MED12L: variants seen among roughly 807,000 people sequenced by gnomAD.
MED12L encodes the protein mediator of RNA polymerase II transcription subunit 12-like protein.
MED12L carries 60 observed loss-of-function variants against 281.3 expected under a neutral mutation model. That is an observed-to-expected ratio of 0.21 (90% CI 0.17 to 0.26). MED12L has a LOEUF of 0.26. MED12L is among the 10% of genes least tolerant of loss of function. The probability of loss-of-function intolerance (pLI) is 1.00; values close to 1 mark genes in which losing one functional copy is unlikely to be tolerated. For synonymous variants in MED12L, 974 were observed against 987.2 expected (o/e 0.99, Z 0.25); for missense variants, 2,146 against 2,680.9 (o/e 0.80, Z 4.41).
At chr3:151,416,987 A>G (rs1465393543) in intron 43 of MED12L, among the ~76,000 whole-genome samples, 1 of 152,216 alleles carries the variant, frequency 6.6e-6, no homozygotes, top group Non-Finnish European at 1.5e-5. Context: ...TACAACAGCC[A>G]TATTCCTGTT....
chr3:151,425,580 G>GTC, intron 43 of MED12L: 1 of 452,206 alleles, frequency 2.2e-6, no homozygotes, highest in Non-Finnish European at 4.5e-6. Flanking sequence ...GTGTGTGTGT[G>GTC]TGTGTCTGTG....
rs1221991240 is a variant in MED12L at position 151,409,255 on chromosome 3, G to A, written c.5833G>A (p.Asp1945Asn). 1 of 1,600,644 alleles carries A rather than the reference G, an allele frequency of 6.2e-7. No individual in the cohort carries two copies. Among genetic ancestry groups the A allele is most frequent in the East Asian group, 2.3e-5 (1 of 44,444 alleles). ...CTTTGTTTTCCAGGGCCAGCCGGGG[G>A]ACCAGGCTGCTCTCTTTGCTGCGCA... ...TRPFQQGQPG[D>N]QAALFAAQAR... Residue 1945 changes from aspartate (D) to asparagine (N), a missense_variant, in exon 40 of 45, where the codon GAC becomes AAC. Around this residue, in one of 9 missense-constraint regions of MED12L, gnomAD observed 496 missense variants for 512.0 expected, o/e 0.97. Transcript: ENST00000687756.
Position 151,275,480 on chromosome 3 carries a change from C to T in MED12L, c.2251-74579C>T, listed in dbSNP as rs562846388. Among the ~76,000 whole-genome samples, 89 of 151,962 alleles carry T rather than the reference C, an allele frequency of 5.9e-4. 1 individual carries two copies. The South Asian group carries it at 0.016, about 27-fold the overall frequency. The stretch of plus-strand genomic sequence containing the variant: ...AAAAAGCTAGCAATTTAATTTATAC[C>T]GAGTAAAGACAAAAATTTCAAAGGA... On this transcript the variant is annotated intron_variant, in intron 16 of 44. Coordinates refer to ENST00000687756, the MANE Select transcript of MED12L (RefSeq NM_001393769.1).
intron 9 of MED12L, 39 bp from the exon 10 acceptor site, chr3:151,165,381 A>G: frequency 6.5e-7 from 1 of 1,542,464 alleles, no homozygotes; most frequent in Non-Finnish European, 9.0e-7. Context: ...GCGCTGTGGC[A>G]TTCCAAGCAC....
chr3:151,120,723 A>T (rs959937979), intron 3 of MED12L, among the ~76,000 whole-genome samples: 2 of 152,254 alleles, frequency 1.3e-5, no homozygotes, highest in Non-Finnish European at 2.9e-5. Flanking sequence ...GGAGGTAGAC[A>T]TTGGGACTTG....
intron 27 of MED12L, among the ~76,000 whole-genome samples, chr3:151,375,472 C>A (rs1331568790): frequency 6.6e-6 from 1 of 152,172 alleles, no homozygotes; most frequent in African/African-American, 2.4e-5. Context: ...CCCCCACTCA[C>A]ACTGGACCCA....
chr3:151,341,357 A>T (rs1429768677), intron 16 of MED12L, among the ~76,000 whole-genome samples: 1 of 152,094 alleles, frequency 6.6e-6, no homozygotes, highest in African/African-American at 2.4e-5. Context: ...CTTATTATAT[A>T]CTGTGTCGTT....
intron 16 of MED12L, chr3:151,295,394 C>G (rs1276338798): frequency 8.6e-6 from 5 of 579,146 alleles, no homozygotes; most frequent in African/African-American, 1.9e-5. Context: ...GTGACCTTCT[C>G]TCACTACCCT....
intron 5 of MED12L, among the ~76,000 whole-genome samples, chr3:151,134,423 A>G (rs1715847613): frequency 6.6e-6 from 1 of 152,252 alleles, no homozygotes; most frequent in African/African-American, 2.4e-5. Context: ...GGTGGTGCAC[A>G]GAACCCCTCA....
In MED12L at chr3:151,173,607, A is replaced by G. The variant is rs77230313; in HGVS notation, c.1494+7625A>G. ...AAACAATATTTTAATTAGAAAATTCAAATCCTCAAGTTGAGCACGCTGGCC... is the reference window on the plus strand; with the variant it reads ...AAACAATATTTTAATTAGAAAATTCGAATCCTCAAGTTGAGCACGCTGGCC... On this transcript the variant is annotated intron_variant, in intron 11 of 44. Transcript: ENST00000687756. Among the ~76,000 whole-genome samples, 184 of 152,372 alleles carry G rather than the reference A, an allele frequency of 1.2e-3. 3 individuals carry two copies. In the East Asian group the frequency reaches 0.032, roughly 27 times the overall value.
At chr3:151,280,503 A>T (rs1176358001) in intron 16 of MED12L, among the ~76,000 whole-genome samples, 1 of 152,178 alleles carries the variant, frequency 6.6e-6, no homozygotes, top group African/African-American at 2.4e-5. Context: ...GTGCACTGCT[A>T]CTGCCTTTAT....
intron 16 of MED12L, among the ~76,000 whole-genome samples, chr3:151,285,523 G>C (rs1743370856): frequency 6.6e-6 from 1 of 151,784 alleles, no homozygotes; most frequent in African/African-American, 2.4e-5. Flanking sequence ...GTGGTCTTTG[G>C]GCACTCGGGA....
At chr3:151,153,593 GAC>G (rs1183747663) in intron 5 of MED12L, among the ~76,000 whole-genome samples, 2 of 102,626 alleles carry the variant, frequency 1.9e-5, no homozygotes, top group African/African-American at 8.7e-5. Context: ...TTTTGAGACA[GAC>G]TCTTGCTCTG....
At chr3:151,367,115 TC>T (rs11455484) in intron 23 of MED12L, among the ~76,000 whole-genome samples, 1 of 60,456 alleles carries the variant, frequency 1.7e-5, no homozygotes, top group African/African-American at 1.2e-4. Flanking sequence ...TCCCCCTCTG[TC>T]CTTTTTCTTC....
intron 16 of MED12L, among the ~76,000 whole-genome samples, chr3:151,270,912 C>T (rs1303483081): frequency 2.0e-5 from 3 of 151,702 alleles, no homozygotes; most frequent in Non-Finnish European, 4.4e-5. Context: ...TTAAAATTTT[C>T]TTTTTATTTC....
intron 16 of MED12L, among the ~76,000 whole-genome samples, chr3:151,259,643 G>A: frequency 6.6e-6 from 1 of 152,140 alleles, no homozygotes; most frequent in South Asian, 2.1e-4. Context: ...CTCAAGATAG[G>A]TAGGTTTTAC....
intron 16 of MED12L, among the ~76,000 whole-genome samples, chr3:151,234,060 C>G (rs1195619108): frequency 6.6e-6 from 1 of 152,206 alleles, no homozygotes; most frequent in Non-Finnish European, 1.5e-5. Context: ...CACTCTGTAG[C>G]TGAGCATTTT....
chr3:151,318,555 A>G (rs1365344096), intron 16 of MED12L, among the ~76,000 whole-genome samples: 1 of 152,170 alleles, frequency 6.6e-6, no homozygotes, highest in Non-Finnish European at 1.5e-5. Context: ...TACTAAAGGC[A>G]TCAGTCAAAG....
chr3:151,203,695 A>C (rs1455493680), intron 16 of MED12L, among the ~76,000 whole-genome samples: 2 of 152,120 alleles, frequency 1.3e-5, no homozygotes, highest in South Asian at 4.1e-4. Context: ...TTTTATGTTC[A>C]TTATAGAAAA....
Sources: allele counts gnomAD v4.1 joint callset (sites outside exome capture counted in the v4.1 genomes callset), GRCh38; gene constraint gnomAD v4.1.1; regional missense constraint gnomAD v4.1.1; transcripts MANE v1.5; gene names NCBI Gene and HGNC (gene_info 2026-07-23, HGNC 2026-07-21).